The following MECOM variants were observed in gnomAD, a reference collection of about 807,000 sequenced individuals.
MECOM encodes the protein histone-lysine N-methyltransferase MECOM.
A neutral mutation model predicts 116.3 loss-of-function variants in MECOM; 13 were observed. The ratio of observed to expected loss-of-function variants is 0.11; its 90% CI spans 0.07 to 0.18. The LOEUF (loss-of-function observed/expected upper bound fraction) is 0.18, where lower values mean the gene tolerates loss of function less well. Ranked by LOEUF, MECOM falls within the 10% of genes least tolerant of loss-of-function variation. The pLI, the probability that MECOM is intolerant of heterozygous loss-of-function variation, is 1.00. For synonymous variants in MECOM, 528 were observed against 535.2 expected, an observed-to-expected ratio of 0.99 and a Z score of 0.19; for missense variants, 1,299 against 1,509.0, an observed-to-expected ratio of 0.86 and a Z score of 2.31.
chr3:169,435,906 C>T (rs1452179004), intron 1 of MECOM, among the ~76,000 whole-genome samples: 1 of 152,104 alleles, frequency 6.6e-6, no homozygotes, highest in Admixed American at 6.5e-5. Flanking sequence ...TGGACCAAAA[C>T]GGTAACATTA....
chr3:169,556,193 T>C (rs78362693), intron 1 of MECOM, among the ~76,000 whole-genome samples: 7 of 152,162 alleles, frequency 4.6e-5, no homozygotes, highest in Non-Finnish European at 8.8e-5. Context: ...AAGCTACTTA[T>C]TCCTACAACA....
chr3:169,116,362 G>A lies in MECOM; in HGVS notation c.1510C>T (p.Pro504Ser). Reference sequence around the variant, plus strand: ...ACAGGAGAACTAGCAGGTATCAAAGGAGGCCTGTGGTACAAGCCGGAAGGA... The same window carrying A: ...ACAGGAGAACTAGCAGGTATCAAAGAAGGCCTGTGGTACAAGCCGGAAGGA... ...LFPSGLYHRP[P>S]LIPASSPVKG... The change falls in exon 8 of 17, where the codon CCT (proline) becomes TCT (serine). Residue 504 changes from proline to serine, a missense_variant. Pro to Ser is a moderately conservative substitution (Grantham distance 74, BLOSUM62 -1). Coordinates refer to ENST00000651503, the MANE Select transcript of MECOM (RefSeq NM_004991.4). 1 of 1,614,172 alleles carries A rather than the reference G, an allele frequency of 6.2e-7. No individual in the cohort carries two copies. Among genetic ancestry groups the A allele is most frequent in the Non-Finnish European group, 8.5e-7 (1 of 1,180,034 alleles).
intron 1 of MECOM, among the ~76,000 whole-genome samples, chr3:169,446,233 G>A (rs1384260278): frequency 6.6e-6 from 1 of 152,150 alleles, no homozygotes; most frequent in Non-Finnish European, 1.5e-5. Flanking sequence ...AACTTGAATT[G>A]TATCTCTTAG....
At chr3:169,441,917 A>ATGTTT (rs200923526) in intron 1 of MECOM, among the ~76,000 whole-genome samples, 6,771 of 144,752 alleles carry the variant, frequency 0.047, 448 homozygotes, top group Admixed American at 0.19. Flanking sequence ...TTGTTTTGTT[A>ATGTTT]TGTTTTGTTT....
At chr3:169,448,676 T>C (rs1442627225) in intron 1 of MECOM, among the ~76,000 whole-genome samples, 1 of 152,190 alleles carries the variant, frequency 6.6e-6, no homozygotes, top group Non-Finnish European at 1.5e-5. Context: ...TCACTGCATA[T>C]GGCAGCAAAC....
chr3:169,527,467 C>T (rs1758092898), intron 1 of MECOM, among the ~76,000 whole-genome samples: 1 of 152,172 alleles, frequency 6.6e-6, no homozygotes, highest in South Asian at 2.1e-4. Flanking sequence ...ACTTAAGCCC[C>T]ACGCAGTTTC....
At chr3:169,147,066 C>G in intron 2 of MECOM, 1 of 989,882 alleles carries the variant, frequency 1.0e-6, no homozygotes, top group African/African-American at 1.7e-5. Context: ...GCTTTTTCCC[C>G]CTTCCTAAAT....
intron 2 of MECOM, among the ~76,000 whole-genome samples, chr3:169,219,229 A>G (rs1261592597): frequency 6.6e-6 from 1 of 152,228 alleles, no homozygotes; most frequent in East Asian, 1.9e-4. Context: ...TTAATAGGCC[A>G]GGCGCGGTGG....
At chr3:169,477,411 A>G (rs544835819) in intron 1 of MECOM, among the ~76,000 whole-genome samples, 19 of 152,120 alleles carry the variant, frequency 1.2e-4, no homozygotes, top group Non-Finnish European at 2.6e-4. Flanking sequence ...AAGACCATCA[A>G]TGATCCAAAT....
chr3:169,423,990 G>A (rs532741579), intron 1 of MECOM, among the ~76,000 whole-genome samples: 4 of 152,210 alleles, frequency 2.6e-5, no homozygotes, highest in Admixed American at 2.0e-4. Flanking sequence ...CTCAGTTTCC[G>A]ATGGTCCCAG....
chr3:169,625,435 G>T (rs6804374), intron 1 of MECOM, among the ~76,000 whole-genome samples: 68,787 of 151,838 alleles, frequency 0.45, 16,045 homozygotes, highest in African/African-American at 0.56. Flanking sequence ...TTGCCTATTA[G>T]TAATACATAC....
chr3:169,244,756 C>T lies in MECOM; in HGVS notation c.376-100924G>A, dbSNP rs565247855. Among the ~76,000 whole-genome samples the T allele has an allele frequency of 2.6e-5, 4 of 152,250 alleles. No homozygotes were observed. The East Asian group carries it at 7.7e-4, about 29-fold the overall frequency. On this transcript the variant is annotated intron_variant, in intron 2 of 16. Coordinates refer to ENST00000651503, the MANE Select transcript of MECOM (RefSeq NM_004991.4). The stretch of plus-strand genomic sequence containing the variant: ...TGGTTTTGACTTTAACAAGTTTGGT[C>T]GGCTTCAATTATCTGTAAGCAAAGA...
intron 2 of MECOM, among the ~76,000 whole-genome samples, chr3:169,236,052 A>T (rs1478336201): frequency 6.6e-6 from 1 of 152,178 alleles, no homozygotes; most frequent in Admixed American, 6.5e-5. Context: ...CACAGCCTCC[A>T]GTCAGCCACA....
intron 1 of MECOM, among the ~76,000 whole-genome samples, chr3:169,568,738 C>G (rs1763540295): frequency 6.6e-6 from 1 of 152,198 alleles, no homozygotes. Context: ...TATAGTTCAA[C>G]TAAGCTTCAT....
At chr3:169,329,781 G>A (rs1193413419) in intron 2 of MECOM, among the ~76,000 whole-genome samples, 4 of 152,184 alleles carry the variant, frequency 2.6e-5, no homozygotes. Flanking sequence ...TTAAAGCGCT[G>A]CTGCCCACTC....
At chr3:169,149,425 G>T in intron 2 of MECOM, 1 of 177,672 alleles carries the variant, frequency 5.6e-6, no homozygotes, top group Non-Finnish European at 1.2e-5. Flanking sequence ...TATTGGCTTC[G>T]GGTGGGGGGA....
intron 1 of MECOM, among the ~76,000 whole-genome samples, chr3:169,458,668 A>G (rs1746924353): frequency 6.6e-6 from 1 of 152,162 alleles, no homozygotes; most frequent in Non-Finnish European, 1.5e-5. Flanking sequence ...GCCATCCCAC[A>G]TCACCAGCGA....
intron 1 of MECOM, among the ~76,000 whole-genome samples, chr3:169,576,813 ACACACACACACACAC>A (rs1388921764): frequency 8.0e-4 from 93 of 116,792 alleles, no homozygotes; most frequent in African/African-American, 3.7e-3. Context: ...ACACACACAC[ACACACACACACACAC>A]ACACACACAC....
At chr3:169,110,657 T>C (rs998285636) in intron 9 of MECOM, among the ~76,000 whole-genome samples, 1 of 152,144 alleles carries the variant, frequency 6.6e-6, no homozygotes, top group Admixed American at 6.5e-5. Context: ...AAATAAAACA[T>C]TGGCAGTTGA....
Sources: gnomAD v4.1 joint callset for allele counts (sites outside exome capture counted in the v4.1 genomes callset) on GRCh38, gnomAD v4.1.1 for gene constraint, MANE v1.5 for transcripts, NCBI Gene and HGNC (gene_info 2026-07-23, HGNC 2026-07-21) for gene names.